Variants in ROBO1 observed in about 807,000 individuals in gnomAD.
ROBO1 encodes the protein roundabout guidance receptor 1.
A neutral mutation model predicts 195.9 loss-of-function variants in ROBO1; 149 were observed. The ratio of observed to expected loss-of-function variants is 0.76; its 90% CI spans 0.67 to 0.87. ROBO1 has a LOEUF of 0.87. ROBO1 is among the 40% of genes least tolerant of loss of function. The pLI is 0.00. For synonymous variants in ROBO1, 816 were observed against 733.2 expected, an observed-to-expected ratio of 1.11 and a Z score of -1.82; for missense variants, 1,933 against 2,068.3, an observed-to-expected ratio of 0.93 and a Z score of 1.27.
intron 2 of ROBO1, among the ~76,000 whole-genome samples, chr3:79,543,870 C>T (rs9848224): frequency 0.57 from 86,895 of 151,836 alleles, 24,992 homozygotes; most frequent in Non-Finnish European, 0.6. Flanking sequence ...TGTGTGGTAT[C>T]CTATACAGTT....
At chr3:79,557,229 G>A (rs1274246546) in intron 2 of ROBO1, among the ~76,000 whole-genome samples, 3 of 151,846 alleles carry the variant, frequency 2.0e-5, no homozygotes, top group Admixed American at 6.6e-5. Context: ...CAGATATCAA[G>A]TATTTGATCA....
At chr3:78,938,518 T>C in intron 4 of ROBO1, 83 bp downstream of exon 4, 2 of 1,201,394 alleles carry the variant, frequency 1.7e-6, no homozygotes, top group Non-Finnish European at 2.3e-6. Flanking sequence ...GAGATACAAA[T>C]TCGACTTTTC....
intron 2 of ROBO1, among the ~76,000 whole-genome samples, chr3:79,322,535 T>C (rs909178175): frequency 6.6e-6 from 1 of 152,142 alleles, no homozygotes; most frequent in Non-Finnish European, 1.5e-5. Context: ...TCCTGACAAA[T>C]GCCTTACCTG....
At chr3:79,055,141 G>T (rs895239714) in intron 3 of ROBO1, among the ~76,000 whole-genome samples, 1 of 152,058 alleles carries the variant, frequency 6.6e-6, no homozygotes, top group African/African-American at 2.4e-5. Context: ...TCTGCTAAAG[G>T]AATCACCATT....
chr3:78,840,364 C>A (rs2106730176), intron 4 of ROBO1, among the ~76,000 whole-genome samples: 1 of 152,276 alleles, frequency 6.6e-6, no homozygotes, highest in East Asian at 1.9e-4. Flanking sequence ...TTATCTGAAT[C>A]TGGATTTCAT....
intron 3 of ROBO1, chr3:79,018,368 A>T (rs370711007): frequency 6.2e-7 from 1 of 1,612,478 alleles, no homozygotes; most frequent in African/African-American, 1.3e-5. Context: ...GGGGGCGAAC[A>T]GGGAGGATCA....
chr3:78,636,825 C>T (rs535349287), intron 22 of ROBO1, among the ~76,000 whole-genome samples: 24 of 150,214 alleles, frequency 1.6e-4, no homozygotes, highest in Middle Eastern at 7.1e-3. Context: ...TCAAATAAGC[C>T]TGAAATAATA....
intron 5 of ROBO1, among the ~76,000 whole-genome samples, chr3:78,725,526 C>T (rs6807536): frequency 0.76 from 115,704 of 151,874 alleles, 44,360 homozygotes; most frequent in Middle Eastern, 0.85. Flanking sequence ...GGAAATCCTG[C>T]CTTCATCTCC....
intron 2 of ROBO1, among the ~76,000 whole-genome samples, chr3:79,188,850 T>A (rs1576791673): frequency 6.6e-6 from 1 of 151,768 alleles, no homozygotes. Flanking sequence ...TAACGTAATA[T>A]TCAAGGTAAT....
chr3:79,057,678 ATGGGT>A (rs1180568957), intron 3 of ROBO1, among the ~76,000 whole-genome samples: 2 of 151,972 alleles, frequency 1.3e-5, no homozygotes, highest in Non-Finnish European at 2.9e-5. Flanking sequence ...CTCGCTTACA[ATGGGT>A]TTTATTTATC....
At chr3:78,963,738 C>T (rs1054100040) in intron 3 of ROBO1, among the ~76,000 whole-genome samples, 1 of 151,818 alleles carries the variant, frequency 6.6e-6, no homozygotes, top group South Asian at 2.1e-4. Flanking sequence ...AGGATGGTCT[C>T]GATCTCCTGA....
chr3:79,385,568 A>G (rs1353132770), intron 2 of ROBO1, among the ~76,000 whole-genome samples: 1 of 152,122 alleles, frequency 6.6e-6, no homozygotes, highest in Admixed American at 6.6e-5. Flanking sequence ...TGCTGGATAA[A>G]AATGTGGAAC....
intron 19 of ROBO1, among the ~76,000 whole-genome samples, chr3:78,649,928 T>G (rs905534857): frequency 1.3e-5 from 2 of 152,140 alleles, no homozygotes; most frequent in Non-Finnish European, 2.9e-5. Flanking sequence ...TTCAAGACAA[T>G]GTAGACCATT....
intron 1 of ROBO1, among the ~76,000 whole-genome samples, chr3:79,699,799 G>C (rs1947560344): frequency 6.6e-6 from 1 of 151,700 alleles, no homozygotes; most frequent in East Asian, 1.9e-4. Flanking sequence ...TTTCTTGAAA[G>C]GTAGTTACTG....
intron 2 of ROBO1, among the ~76,000 whole-genome samples, chr3:79,378,822 C>G (rs2036471689): frequency 6.6e-6 from 1 of 152,264 alleles, no homozygotes; most frequent in South Asian, 2.1e-4. Flanking sequence ...CTTTGGTGTA[C>G]AAGACAACGA....
intron 4 of ROBO1, among the ~76,000 whole-genome samples, chr3:78,807,452 G>A (rs540573616): frequency 2.0e-5 from 3 of 152,108 alleles, no homozygotes; most frequent in Non-Finnish European, 4.4e-5. Flanking sequence ...TAGGCAAAAG[G>A]AGTCTGTCAT....
chr3:79,138,230 T>C (rs1363766213), intron 2 of ROBO1, among the ~76,000 whole-genome samples: 1 of 152,038 alleles, frequency 6.6e-6, no homozygotes, highest in African/African-American at 2.4e-5. Context: ...CAGGGTCATG[T>C]CTTACTCATC....
rs1032571690 is a variant in ROBO1 at position 79,312,437 on chromosome 3, A to G, written c.89-186898T>C. On this transcript the variant is annotated intron_variant, in intron 2 of 30. Coordinates refer to ENST00000464233, the MANE Select transcript of ROBO1 (RefSeq NM_002941.4). ...AAAGAAATATCAAATTTTGAGATCA[A>G]TTCCAGAGCCCAGAGCAACTACTGA... Among the ~76,000 whole-genome samples, 3 of 152,204 alleles carry G rather than the reference A, an allele frequency of 2.0e-5. 1 individual carries two copies. The highest frequency in any genetic ancestry group is 3.8e-4 in the East Asian group (2 of 5,196).
intron 29 of ROBO1, among the ~76,000 whole-genome samples, chr3:78,604,195 C>T (rs779133023): frequency 2.0e-5 from 3 of 152,048 alleles, no homozygotes; most frequent in Non-Finnish European, 4.4e-5. Flanking sequence ...CTCAGCCTCC[C>T]GAGTAGCTGG....
Sources: gnomAD v4.1 joint callset for allele counts (sites outside exome capture counted in the v4.1 genomes callset) on GRCh38, gnomAD v4.1.1 for gene constraint, MANE v1.5 for transcripts, NCBI Gene and HGNC (gene_info 2026-07-23, HGNC 2026-07-21) for gene names.